CEP128: variants seen among roughly 807,000 people sequenced by gnomAD.
The protein encoded by CEP128 is centrosomal protein 128kDa.
A neutral mutation model predicts 156.7 loss-of-function variants in CEP128; 132 were observed. That is an observed-to-expected ratio of 0.84 (90% confidence interval 0.73 to 0.97). The LOEUF is 0.97. Ranked by LOEUF, CEP128 falls within the 50% of genes least tolerant of loss-of-function variation. The pLI is 0.00. For synonymous variants in CEP128, 469 were observed against 448.9 expected (o/e 1.04, Z -0.57); for missense variants, 1,252 against 1,281.9 (o/e 0.98, Z 0.36).
intron 13 of CEP128, among the ~76,000 whole-genome samples, chr14:80,829,339 T>A (rs1471418646): frequency 6.6e-6 from 1 of 152,140 alleles, no homozygotes; most frequent in African/African-American, 2.4e-5. Flanking sequence ...GAAAAAAAAA[T>A]TTCATTCTCA....
chr14:80,708,675 T>C (rs1474198629), intron 19 of CEP128, among the ~76,000 whole-genome samples: 1 of 152,154 alleles, frequency 6.6e-6, no homozygotes, highest in Non-Finnish European at 1.5e-5. Context: ...AATTAGTCAA[T>C]CTTTACTCCC....
At chr14:80,771,301 G>A (rs1900498417) in intron 16 of CEP128, among the ~76,000 whole-genome samples, 1 of 152,060 alleles carries the variant, frequency 6.6e-6, no homozygotes, top group Admixed American at 6.6e-5. Context: ...ATAAATAAAG[G>A]AGAAGAATAC....
intron 18 of CEP128, among the ~76,000 whole-genome samples, chr14:80,755,295 A>G (rs1005441536): frequency 7.9e-5 from 12 of 152,186 alleles, no homozygotes; most frequent in Admixed American, 7.9e-4. Flanking sequence ...CCTTGTGATC[A>G]TGTGAGTAAA....
intron 1 of CEP128, among the ~76,000 whole-genome samples, chr14:80,940,219 A>G (rs1886069171): frequency 6.6e-6 from 1 of 152,244 alleles, no homozygotes; most frequent in African/African-American, 2.4e-5. Context: ...CTGTCAAGAA[A>G]CAGTTCAAAG....
chr14:80,636,568 C>T (rs1894188365), intron 19 of CEP128, among the ~76,000 whole-genome samples: 1 of 152,184 alleles, frequency 6.6e-6, no homozygotes, highest in African/African-American at 2.4e-5. Context: ...ACCACACAGT[C>T]TTTTGGTTTT....
intron 13 of CEP128, among the ~76,000 whole-genome samples, chr14:80,808,085 C>T (rs1375152076): frequency 6.6e-6 from 1 of 152,216 alleles, no homozygotes; most frequent in African/African-American, 2.4e-5. Context: ...GACCCCACCA[C>T]CAGTAGTGGC....
At chr14:80,850,369 TAAAC>T (rs1886829913) in intron 9 of CEP128, among the ~76,000 whole-genome samples, 1 of 152,222 alleles carries the variant, frequency 6.6e-6, no homozygotes, top group African/African-American at 2.4e-5. Context: ...CCAACTTTAA[TAAAC>T]AGTGTCTACT....
intron 2 of CEP128, among the ~76,000 whole-genome samples, chr14:80,935,326 G>A (rs1334776767): frequency 2.6e-5 from 4 of 152,074 alleles, no homozygotes; most frequent in Admixed American, 6.5e-5. Flanking sequence ...CAAGGTGGGT[G>A]GATCACTTGA....
rs141265185 is a variant in CEP128, at chr14:80,481,163, C to T, written c.*311-2756G>A. ...TTCATGCTGCTGCTAAAGACATACC[C>T]GAGACAGGGAAGAAAAAGAGGTTTA... On this transcript the variant is annotated intron_variant and NMD_transcript_variant, in intron 14 of 14. Transcript: ENST00000554502. Among the ~76,000 whole-genome samples the T allele has an allele frequency of 4.6e-4, 70 of 152,206 alleles. 3 individuals are homozygous for T. In the East Asian group the frequency reaches 0.013, roughly 28 times the overall value.
At chr14:80,955,511 T>C (rs1886612965) in intron 2 of CEP128, 1 of 785,162 alleles carries the variant, frequency 1.3e-6, no homozygotes, top group Admixed American at 2.2e-5. Flanking sequence ...GTGCCTCTTT[T>C]TCCCCTTCTC....
rs1901789446 is a variant in CEP128, at chr14:80,792,912, C to T, written c.1408G>A (p.Ala470Thr). 6.2e-7 allele frequency: 1 copy of T among 1,614,196 alleles called. No homozygotes were observed. The highest frequency in any genetic ancestry group is 2.2e-5 in the East Asian group (1 of 44,870). Residue 470 changes from alanine to threonine, a missense_variant, in exon 14 of 25, where the codon GCT becomes ACT. By Grantham distance (58) the Ala-to-Thr change is moderately conservative (BLOSUM62 0). Coordinates refer to ENST00000555265, the MANE Select transcript of CEP128 (RefSeq NM_152446.5). ...RYLSELQQSEALKEEAEKRRE... is the reference protein window; with the variant it reads ...RYLSELQQSETLKEEAEKRRE... ...CTCTTCTCCGCCTCCTCTTTCAGAG[C>T]CTCTGACTGCTGGAGCTCACTGAGG...
chr14:80,554,923 C>T (rs1268330012), intron 21 of CEP128, among the ~76,000 whole-genome samples: 1 of 151,778 alleles, frequency 6.6e-6, no homozygotes, highest in East Asian at 1.9e-4. Flanking sequence ...TTTGCTCTTT[C>T]CGAAAGAGCC....
At chr14:80,717,502 T>C (rs1461921090) in intron 19 of CEP128, among the ~76,000 whole-genome samples, 1 of 152,112 alleles carries the variant, frequency 6.6e-6, no homozygotes, top group Non-Finnish European at 1.5e-5. Context: ...ACATCTTCCA[T>C]GAGCATCAGA....
chr14:80,815,643 A>G (rs188708166), intron 13 of CEP128, among the ~76,000 whole-genome samples: 28 of 152,378 alleles, frequency 1.8e-4, no homozygotes, highest in Middle Eastern at 3.4e-3. Flanking sequence ...ACTATTCACA[A>G]TGGCAAAGAT....
At chr14:80,732,973 A>C (rs1215361466) in intron 19 of CEP128, among the ~76,000 whole-genome samples, 1 of 152,174 alleles carries the variant, frequency 6.6e-6, no homozygotes, top group African/African-American at 2.4e-5. Flanking sequence ...CAGGGTGCCC[A>C]GATATTTGGT....
intron 19 of CEP128, among the ~76,000 whole-genome samples, chr14:80,639,393 G>C (rs772277102): frequency 2.0e-5 from 3 of 152,060 alleles, no homozygotes; most frequent in Non-Finnish European, 1.5e-5. Context: ...AGAACAAGGC[G>C]GGTATTTACA....
intron 19 of CEP128, among the ~76,000 whole-genome samples, chr14:80,610,778 C>A (rs1430245742): frequency 6.6e-6 from 1 of 152,000 alleles, no homozygotes; most frequent in East Asian, 1.9e-4. Context: ...CTGAAGGCAT[C>A]TTAAATTTAA....
chr14:80,564,147 G>C (rs1890812892), intron 20 of CEP128, among the ~76,000 whole-genome samples: 6 of 152,242 alleles, frequency 3.9e-5, no homozygotes, highest in Admixed American at 3.9e-4. Context: ...TATGTGATTG[G>C]ATAGTCCCTT....
intron 2 of CEP128, among the ~76,000 whole-genome samples, chr14:80,938,398 C>A (rs7143744): frequency 6.6e-6 from 1 of 151,674 alleles, no homozygotes; most frequent in Non-Finnish European, 1.5e-5. Flanking sequence ...AGGCGCCTGC[C>A]ACCACGCCTG....
Sources: allele counts gnomAD v4.1 joint callset (sites outside exome capture counted in the v4.1 genomes callset), GRCh38; gene constraint gnomAD v4.1.1; transcripts MANE v1.5; gene names NCBI Gene and HGNC (gene_info 2026-07-23, HGNC 2026-07-21).